The following BRI3BP variants were observed in gnomAD, a reference collection of about 807,000 sequenced individuals.
BRI3BP encodes BRI3-binding protein.
BRI3BP carries 7 observed loss-of-function variants against 15.8 expected under a neutral mutation model. That is an observed-to-expected ratio of 0.44 (90% confidence interval 0.25 to 0.83). The LOEUF (loss-of-function observed/expected upper bound fraction) is 0.83. Among genes scored for constraint, BRI3BP ranks in the 40% least tolerant of loss-of-function variants. The pLI, the probability that BRI3BP is intolerant of heterozygous loss-of-function variation, is 0.20. For synonymous variants in BRI3BP, 192 were observed against 163.5 expected (o/e 1.17, Z -1.33); for missense variants, 320 against 339.3 (o/e 0.94, Z 0.45).
chr12:125,050,997 G>A, the BRI3BP span, among the ~76,000 whole-genome samples: 3 of 152,204 alleles, frequency 2.0e-5, no homozygotes, highest in Non-Finnish European at 4.4e-5. Context: ...ACTGAAGAGA[G>A]AACTTCACAC....
At chr12:125,007,512 G>T (rs1955155397) in intron 1 of BRI3BP, among the ~76,000 whole-genome samples, 1 of 152,082 alleles carries the variant, frequency 6.6e-6, no homozygotes, top group Admixed American at 6.6e-5. Context: ...TGGCGCTAAT[G>T]CACTGTAGCC....
Position 125,025,550 on chromosome 12 carries a change from G to T in BRI3BP, c.*120G>T. 9.4e-7 allele frequency: 1 copy of T among 1,058,328 alleles called. No individual in the cohort carries two copies. Among genetic ancestry groups the T allele is most frequent in the Non-Finnish European group, 1.3e-6 (1 of 758,006 alleles). 65.6% of individuals were successfully genotyped at this position (1,058,328 alleles called of 1,614,324 possible). A position where few individuals can be genotyped will look rare whatever the true frequency, so the allele number is the denominator to read the frequency against. On this transcript the variant is annotated 3_prime_UTR_variant, in exon 3 of 3. Transcript: ENST00000341446. Reference sequence around the variant, plus strand: ...AAACACGACTGAGCAAGAAAGTGGCGCTGTGTAGGGCTATTTCCACCCACC... The same window carrying T: ...AAACACGACTGAGCAAGAAAGTGGCTCTGTGTAGGGCTATTTCCACCCACC...
chr12:125,003,863 G>T (rs1955117356), intron 1 of BRI3BP, among the ~76,000 whole-genome samples: 1 of 152,008 alleles, frequency 6.6e-6, no homozygotes, highest in South Asian at 2.1e-4. Context: ...TGAGGCAGGA[G>T]AATTGCTTGA....
chr12:125,000,375 G>A (rs1233025420), intron 1 of BRI3BP, among the ~76,000 whole-genome samples: 3 of 144,982 alleles, frequency 2.1e-5, no homozygotes, highest in Non-Finnish European at 3.0e-5. Flanking sequence ...GTGCAGTGGC[G>A]CAATCTCGGC....
At chr12:124,994,785 G>T (rs1202591389) in intron 1 of BRI3BP, among the ~76,000 whole-genome samples, 1 of 152,164 alleles carries the variant, frequency 6.6e-6, no homozygotes, top group Non-Finnish European at 1.5e-5. Flanking sequence ...GTGGTATTGC[G>T]GTTCCTTTGC....
intron 2 of BRI3BP, 41 bp downstream of exon 2, chr12:125,012,677 T>A (rs777440108): frequency 6.7e-7 from 1 of 1,487,486 alleles, no homozygotes; most frequent in Admixed American, 1.7e-5. Flanking sequence ...GTCATTCTAT[T>A]TTGGTGGTTC....
chr12:125,037,578 A>G, the BRI3BP span, among the ~76,000 whole-genome samples: 10 of 151,694 alleles, frequency 6.6e-5, no homozygotes, highest in Admixed American at 1.3e-4. Context: ...TTGGGAGGCC[A>G]AGGCGGGCAG....
intron 1 of BRI3BP, among the ~76,000 whole-genome samples, chr12:125,003,885 G>A (rs769796976): frequency 2.2e-4 from 34 of 151,814 alleles, no homozygotes; most frequent in Non-Finnish European, 3.8e-4. Context: ...CCCAGGAGGC[G>A]GAGGTTGCAG....
intron 2 of BRI3BP, among the ~76,000 whole-genome samples, chr12:125,014,690 C>T (rs955518880): frequency 6.6e-6 from 1 of 152,172 alleles, no homozygotes; most frequent in African/African-American, 2.4e-5. Flanking sequence ...TGTCATAAAC[C>T]ACATCATTTG....
chr12:125,042,022 T>G, the BRI3BP span, among the ~76,000 whole-genome samples: 3 of 151,586 alleles, frequency 2.0e-5, no homozygotes, highest in Non-Finnish European at 4.4e-5. Context: ...AAAACACAAA[T>G]AGCATCTACA....
chr12:125,009,094 GT>G (rs1955173667), intron 1 of BRI3BP, among the ~76,000 whole-genome samples: 1 of 151,024 alleles, frequency 6.6e-6, no homozygotes, highest in Non-Finnish European at 1.5e-5. Context: ...TCCTGCCTCA[GT>G]CTCTCCCAAG....
At chr12:125,007,539 ACT>A (rs1182310562) in intron 1 of BRI3BP, among the ~76,000 whole-genome samples, 1 of 151,750 alleles carries the variant, frequency 6.6e-6, no homozygotes, top group Non-Finnish European at 1.5e-5. Context: ...ACAAAGCAAG[ACT>A]CTGTCTCAGG....
rs58016016 is a variant in BRI3BP, at chr12:125,016,825, C to CTTTTTTTTTTTTTT, written c.316+4203_316+4216dup. 4.8e-3 allele frequency among the ~76,000 whole-genome samples: 193 copies of CTTTTTTTTTTTTTT among 39,804 alleles called. 25 individuals are homozygous for CTTTTTTTTTTTTTT. Among genetic ancestry groups the CTTTTTTTTTTTTTT allele is most frequent in the South Asian group, 0.013 (6 of 476 alleles). The allele number at this position is 39,804 out of a possible 152,430, so 26.1% of individuals were successfully genotyped here. On this transcript the variant is annotated intron_variant, in intron 2 of 2. Coordinates refer to ENST00000341446, the MANE Select transcript of BRI3BP (RefSeq NM_080626.6). Reference sequence around the variant, plus strand: ...ACGGGCATGAGCCACTGCGCCCAGCCTTTTTTTTTTTTTTTTTTTTTTTTT... The same window carrying CTTTTTTTTTTTTTT: ...ACGGGCATGAGCCACTGCGCCCAGCCTTTTTTTTTTTTTTTTTTTTTTTTTTTTTTTTTTTTTTT...
chr12:125,040,671 T>C, the BRI3BP span, among the ~76,000 whole-genome samples: 2 of 152,090 alleles, frequency 1.3e-5, no homozygotes, highest in South Asian at 4.2e-4. Flanking sequence ...TCATAACAAA[T>C]ACATTGTTTA....
the BRI3BP span, among the ~76,000 whole-genome samples, chr12:125,046,593 A>G: frequency 3.0e-4 from 45 of 152,348 alleles, no homozygotes; most frequent in African/African-American, 1.1e-3. Flanking sequence ...AAAGAACAGA[A>G]CTGGAGAAAA....
intron 2 of BRI3BP, among the ~76,000 whole-genome samples, chr12:125,018,766 G>A (rs183697179): frequency 1.8e-4 from 27 of 149,742 alleles, no homozygotes; most frequent in East Asian, 7.9e-4. Flanking sequence ...TGCAGCCTCC[G>A]CCTCCTGAGT....
Position 125,015,532 on chromosome 12 carries a change from G to A in BRI3BP, c.316+2896G>A, listed in dbSNP as rs1184723297. 3.3e-5 allele frequency among the ~76,000 whole-genome samples: 5 copies of A among 152,210 alleles called. No individual in the cohort carries two copies. The South Asian group carries it at 8.3e-4, about 25-fold the overall frequency. On this transcript the variant is annotated intron_variant, in intron 2 of 2. Transcript: ENST00000341446. ...ATTTCTGTTGTAAACCACCCAGTTG[G>A]TAGTGGTTTGTTGCGGCAGTCACGG... is the stretch of plus-strand genomic sequence containing the variant.
the BRI3BP span, among the ~76,000 whole-genome samples, chr12:125,036,862 C>T: frequency 2.7e-3 from 406 of 152,270 alleles, 1 homozygote; most frequent in Middle Eastern, 0.017. Flanking sequence ...CATGTGAAGA[C>T]ACAACAAGAA....
rs915846514 is a variant in BRI3BP at position 125,025,542 on chromosome 12, A to G, written c.*112A>G. ...ATCTTAATAAACACGACTGAGCAAG[A>G]AAGTGGCGCTGTGTAGGGCTATTTC... On this transcript the variant is annotated 3_prime_UTR_variant, in exon 3 of 3. Transcript: ENST00000341446. The G allele has an allele frequency of 4.3e-6, 5 of 1,163,626 alleles. No homozygotes were observed. The highest frequency in any genetic ancestry group is 4.7e-6 in the Non-Finnish European group (4 of 852,486). The allele number at this position is 1,163,626 out of a possible 1,614,324, so 72.1% of individuals were successfully genotyped here.
Sources: allele counts gnomAD v4.1 joint callset (sites outside exome capture counted in the v4.1 genomes callset), GRCh38; gene constraint gnomAD v4.1.1; transcripts MANE v1.5; gene names NCBI Gene and HGNC (gene_info 2026-07-23, HGNC 2026-07-21).